DOCK2: variants seen among roughly 807,000 people sequenced by gnomAD.
DOCK2 encodes dedicator of cytokinesis 2, also known as dedicator of cytokinesis protein 2.
A neutral mutation model predicts 248.9 loss-of-function variants in DOCK2; 87 were observed. The observed-to-expected ratio is 0.35, with a 90% CI of 0.29 to 0.42. DOCK2 has a LOEUF of 0.42. DOCK2 is among the 10% of genes least tolerant of loss of function. DOCK2 has a pLI of 1.00. For missense variants in DOCK2, 1,747 were observed against 2,300.2 expected (o/e 0.76, Z 4.92); for synonymous variants, 805 against 821.6 (o/e 0.98, Z 0.35).
chr5:169,676,524 C>T (rs1759344609), intron 6 of DOCK2, among the ~76,000 whole-genome samples: 1 of 152,146 alleles, frequency 6.6e-6, no homozygotes, highest in African/African-American at 2.4e-5. Context: ...CTCAGGGGCC[C>T]CCTTATTCAC....
rs180740210 is a variant in DOCK2, at chr5:169,953,231, G to A, written c.2800-29837G>A. 9.2e-3 allele frequency among the ~76,000 whole-genome samples: 1,406 copies of A among 152,000 alleles called. 23 individuals are homozygous for A. Among genetic ancestry groups the A allele is most frequent in the African/African-American group, 0.032 (1,334 of 41,430 alleles). On this transcript the variant is annotated intron_variant, in intron 27 of 51. Coordinates refer to ENST00000520908, the MANE Select transcript of DOCK2 (RefSeq NM_004946.3). ...GCCTGTAATCCCAGCTACTCAGGAG[G>A]CTGAGGCAGGAGAATCACTTGAACC... is the stretch of plus-strand genomic sequence containing the variant.
intron 1 of DOCK2, among the ~76,000 whole-genome samples, chr5:169,648,951 G>C (rs900880423): frequency 1.3e-5 from 2 of 152,216 alleles, no homozygotes; most frequent in Non-Finnish European, 2.9e-5. Flanking sequence ...TGGGGTGGCT[G>C]CCAGAGGCTT....
intron 25 of DOCK2, among the ~76,000 whole-genome samples, chr5:169,777,577 A>G (rs1743362965): frequency 6.6e-6 from 1 of 152,214 alleles, no homozygotes; most frequent in African/African-American, 2.4e-5. Flanking sequence ...TTTCTGGTGT[A>G]GGCACAACAC....
intron 27 of DOCK2, among the ~76,000 whole-genome samples, chr5:169,950,758 G>A (rs1197886755): frequency 6.6e-6 from 1 of 152,190 alleles, no homozygotes; most frequent in Non-Finnish European, 1.5e-5. Context: ...AGATTCGGGT[G>A]TATCAGGACC....
At chr5:169,803,593 G>T (rs1224219227) in intron 26 of DOCK2, among the ~76,000 whole-genome samples, 1 of 152,216 alleles carries the variant, frequency 6.6e-6, no homozygotes, top group African/African-American at 2.4e-5. Flanking sequence ...CTTCGGTTTT[G>T]TTTCTTCAGT....
chr5:169,684,277 T>G lies in DOCK2; in HGVS notation c.688T>G (p.Phe230Val). The G allele has an allele frequency of 6.2e-7, 1 of 1,614,170 alleles. No individual in the cohort carries two copies. The highest frequency in any genetic ancestry group is 8.5e-7 in the Non-Finnish European group (1 of 1,180,014). The stretch of plus-strand genomic sequence containing the variant: ...TAGCCTCTATGTGTTTGTGAGAAAC[T>G]TTGTGTGCAGAATTGGGGAAGATGC... The part of the protein sequence containing the change: ...THSLYVFVRN[F>V]VCRIGEDAEL... Residue 230 changes from phenylalanine (F) to valine (V), a missense_variant, in exon 8 of 52, where the codon TTT becomes GTT. Coordinates refer to ENST00000520908, the MANE Select transcript of DOCK2 (RefSeq NM_004946.3).
At chr5:169,736,764 C>A (rs1211623136) in intron 22 of DOCK2, among the ~76,000 whole-genome samples, 3 of 152,190 alleles carry the variant, frequency 2.0e-5, no homozygotes, top group Non-Finnish European at 4.4e-5. Context: ...CATCACATAC[C>A]TGTCCCATGC....
intron 36 of DOCK2, among the ~76,000 whole-genome samples, chr5:170,038,442 A>G (rs899309208): frequency 6.6e-6 from 1 of 152,244 alleles, no homozygotes; most frequent in Non-Finnish European, 1.5e-5. Context: ...ATTTAAAAAC[A>G]TTTTTAATTG....
intron 27 of DOCK2, among the ~76,000 whole-genome samples, chr5:169,851,242 G>A (rs569323664): frequency 5.9e-5 from 9 of 152,184 alleles, no homozygotes; most frequent in Non-Finnish European, 1.2e-4. Flanking sequence ...TTTGTTTCAT[G>A]CCAATCTTTC....
intron 27 of DOCK2, among the ~76,000 whole-genome samples, chr5:169,964,917 G>C (rs143536318): frequency 6.6e-6 from 1 of 152,166 alleles, no homozygotes; most frequent in Non-Finnish European, 1.5e-5. Flanking sequence ...AGTCTCCGTC[G>C]CTCATGACTA....
chr5:169,792,430 A>G (rs1247546993), intron 25 of DOCK2, among the ~76,000 whole-genome samples: 1 of 145,590 alleles, frequency 6.9e-6, no homozygotes, highest in Admixed American at 6.9e-5. Flanking sequence ...ATACATGTAT[A>G]TGTGTACATA....
intron 25 of DOCK2, among the ~76,000 whole-genome samples, chr5:169,801,146 GTTTTTTTTTTTTTTTTTT>G (rs60574755): frequency 7.9e-5 from 6 of 76,052 alleles, no homozygotes; most frequent in South Asian, 5.7e-4. Context: ...ATAGTTTTGG[GTTTTTTTTTTTTTTTTTT>G]TTTTTTTTTT....
rs1232157605 is a variant in DOCK2, at chr5:169,747,443, G to T, written c.2315G>T (p.Arg772Leu). The T allele has an allele frequency of 2.5e-6, 4 of 1,613,654 alleles. No individual in the cohort carries two copies. The highest frequency in any genetic ancestry group is 3.4e-6 in the Non-Finnish European group (4 of 1,179,788). The change falls in exon 23 of 52, where the codon CGG (arginine) becomes CTG (leucine). Residue 772 changes from arginine to leucine, a missense_variant. Physicochemically the swap from Arg to Leu is moderately radical, Grantham distance 102. Around this residue, in one of 4 missense-constraint regions of DOCK2, gnomAD observed 858 missense variants for 1,183.5 expected, o/e 0.72. Transcript: ENST00000520908. ...ATGGAGTTTGAAGAATCCATGAGAC[G>T]GCTCTTTGAATCCATCAACAATCTG... ...EQMEFEESMRRLFESINNLMK... is the reference protein window; with the variant it reads ...EQMEFEESMRLLFESINNLMK...
intron 14 of DOCK2, among the ~76,000 whole-genome samples, chr5:169,705,953 G>T (rs1021937334): frequency 1.3e-5 from 2 of 152,212 alleles, no homozygotes; most frequent in African/African-American, 4.8e-5. Flanking sequence ...GTTAATTGGG[G>T]GCCATGGGGA....
chr5:169,773,138 C>T (rs1765187559), intron 25 of DOCK2: 1 of 152,182 alleles, frequency 6.6e-6, no homozygotes, highest in African/African-American at 2.4e-5. Context: ...TCCTCTCTTC[C>T]TGTTCTGATG....
intron 27 of DOCK2, among the ~76,000 whole-genome samples, chr5:169,911,422 C>T (rs1020916863): frequency 6.6e-6 from 1 of 152,136 alleles, no homozygotes; most frequent in South Asian, 2.1e-4. Context: ...AGAGCTGTTC[C>T]CACTACACTG....
In DOCK2 at chr5:170,083,186, T is replaced by C. The variant is rs1045192; in HGVS notation, c.*328T>C. 59,718 of 253,110 alleles carry C rather than the reference T, an allele frequency of 0.24. 10,098 individuals carry two copies. Among genetic ancestry groups the C allele is most frequent in the African/African-American group, 0.53 (23,731 of 45,142 alleles). 15.7% of individuals were successfully genotyped at this position (253,110 alleles called of 1,614,324 possible). ...CCAGTTTCTTAGGTGTAAGAAACTG[T>C]TTTTATCTCATTTATTAAGTCTCAG... On this transcript the variant is annotated 3_prime_UTR_variant, in exon 52 of 52. Coordinates refer to ENST00000520908, the MANE Select transcript of DOCK2 (RefSeq NM_004946.3).
intron 22 of DOCK2, among the ~76,000 whole-genome samples, chr5:169,724,479 G>T (rs1416939002): frequency 6.6e-6 from 1 of 152,120 alleles, no homozygotes; most frequent in Non-Finnish European, 1.5e-5. Context: ...ATTGCACTCT[G>T]TGTCCTGATG....
intron 25 of DOCK2, among the ~76,000 whole-genome samples, chr5:169,791,367 T>C (rs1581194366): frequency 1.3e-5 from 2 of 152,224 alleles, no homozygotes; most frequent in South Asian, 4.1e-4. Flanking sequence ...AAGTGAATGA[T>C]TGGACTAAAG....
Sources: allele counts gnomAD v4.1 joint callset (sites outside exome capture counted in the v4.1 genomes callset), GRCh38; gene constraint gnomAD v4.1.1; regional missense constraint gnomAD v4.1.1; transcripts MANE v1.5; gene names NCBI Gene and HGNC (gene_info 2026-07-23, HGNC 2026-07-21).